Variants in IFT88 observed in about 807,000 individuals in gnomAD.
The protein encoded by IFT88 is intraflagellar transport protein 88 homolog.
In IFT88, 74 loss-of-function variants were observed where a neutral mutation model predicts 119.5. That is an observed-to-expected ratio of 0.62 (90% CI 0.51 to 0.75). The LOEUF is 0.75. IFT88 is among the 30% of genes least tolerant of loss of function. The probability of loss-of-function intolerance (pLI) is 0.00; values close to 1 mark genes in which losing one functional copy is unlikely to be tolerated. For synonymous variants in IFT88, 279 were observed against 316.7 expected (o/e 0.88, Z 1.26); for missense variants, 961 against 977.7 (o/e 0.98, Z 0.23).
intron 2 of IFT88, among the ~76,000 whole-genome samples, chr13:20,581,278 A>G (rs1446258139): frequency 1.3e-5 from 2 of 152,240 alleles, no homozygotes. Context: ...ATTTGTTAAC[A>G]AAGTGGCAAA....
In IFT88 at chr13:20,664,322, A is replaced by G. The variant is rs76233639; in HGVS notation, c.2175+718A>G. Among the ~76,000 whole-genome samples, 1,519 of 152,306 alleles carry G rather than the reference A, an allele frequency of 1.0e-2. 25 individuals carry two copies. The highest frequency in any genetic ancestry group is 0.035 in the African/African-American group (1,463 of 41,566). The stretch of plus-strand genomic sequence containing the variant: ...AGAAACTAGTCCTCTTTCTGGAACT[A>G]TTATGGAAAGGAAGACTGTTCTCTT... On this transcript the variant is annotated intron_variant, in intron 23 of 25. Transcript: ENST00000351808.
Position 20,583,730 on chromosome 13 carries a change from T to C in IFT88, c.153+711T>C, listed in dbSNP as rs138887312. On this transcript the variant is annotated intron_variant, in intron 3 of 25. Transcript: ENST00000351808. Reference sequence around the variant, plus strand: ...ACAATGTCATGAAGCTTTTCCCCTATGTTTTCTTCTAGCATTTTTTGTAGT... The same window carrying C: ...ACAATGTCATGAAGCTTTTCCCCTACGTTTTCTTCTAGCATTTTTTGTAGT... 9.7e-3 allele frequency among the ~76,000 whole-genome samples: 1,485 copies of C among 152,330 alleles called. 24 individuals are homozygous for C. The highest frequency in any genetic ancestry group is 0.033 in the African/African-American group (1,387 of 41,568).
At chr13:20,603,754 A>G (rs2042980057) in intron 12 of IFT88, among the ~76,000 whole-genome samples, 1 of 151,938 alleles carries the variant, frequency 6.6e-6, no homozygotes, top group Admixed American at 6.6e-5. Flanking sequence ...AAAATTAGCC[A>G]GGCTTGATGT....
chr13:20,617,952 A>AT, intron 14 of IFT88, among the ~76,000 whole-genome samples: 1 of 151,882 alleles, frequency 6.6e-6, no homozygotes, highest in Admixed American at 6.6e-5. Context: ...CGTCACCATA[A>AT]TTTTTGTATT....
intron 24 of IFT88, among the ~76,000 whole-genome samples, chr13:20,672,125 A>G (rs1470340097): frequency 6.6e-6 from 1 of 152,156 alleles, no homozygotes; most frequent in Non-Finnish European, 1.5e-5. Context: ...CTAGGGATAG[A>G]AACTGCAGTT....
At chr13:20,612,699 G>A (rs1328251592) in intron 13 of IFT88, among the ~76,000 whole-genome samples, 1 of 152,122 alleles carries the variant, frequency 6.6e-6, no homozygotes, top group Non-Finnish European at 1.5e-5. Context: ...AAAAAGAAAA[G>A]CAAAGTTGGG....
At chr13:20,599,763 TATATGATC>T (rs2042293367) in intron 11 of IFT88, among the ~76,000 whole-genome samples, 198 bp downstream of exon 11, 1 of 152,154 alleles carries the variant, frequency 6.6e-6, no homozygotes, top group Admixed American at 6.5e-5. Flanking sequence ...TAAAGCATTG[TATATGATC>T]ATATGAAATA....
intron 14 of IFT88, among the ~76,000 whole-genome samples, chr13:20,621,472 A>G (rs1299592414): frequency 1.4e-5 from 2 of 146,822 alleles, no homozygotes; most frequent in South Asian, 2.1e-4. Flanking sequence ...GGTCCTTGTC[A>G]TTTCCACATA....
At chr13:20,620,240 C>T (rs2046265588) in intron 14 of IFT88, among the ~76,000 whole-genome samples, 1 of 151,952 alleles carries the variant, frequency 6.6e-6, no homozygotes, top group Admixed American at 6.6e-5. Flanking sequence ...TGTAGTAGGG[C>T]TATCCAGTTA....
intron 10 of IFT88, 73 bp downstream of exon 10, chr13:20,598,826 T>A: frequency 1.1e-6 from 1 of 885,730 alleles, no homozygotes; most frequent in Non-Finnish European, 1.8e-6. Context: ...CTTCATTTTA[T>A]GCTTCCTTAA....
At chr13:20,636,458 A>G (rs1284701541) in intron 16 of IFT88, among the ~76,000 whole-genome samples, 2 of 152,172 alleles carry the variant, frequency 1.3e-5, no homozygotes, top group Non-Finnish European at 2.9e-5. Context: ...TTCTCTTCCT[A>G]TACCTGATCA....
chr13:20,647,226 T>C (rs2050893308), intron 20 of IFT88, among the ~76,000 whole-genome samples: 1 of 152,242 alleles, frequency 6.6e-6, no homozygotes, highest in Non-Finnish European at 1.5e-5. Flanking sequence ...TTATTCAATA[T>C]ACATTCATTA....
chr13:20,619,793 C>A (rs573075861), intron 14 of IFT88, among the ~76,000 whole-genome samples: 1 of 151,968 alleles, frequency 6.6e-6, no homozygotes, highest in African/African-American at 2.4e-5. Context: ...TTAATAGATA[C>A]CGCTAAACAG....
At chr13:20,629,899 T>A (rs1341289570) in intron 15 of IFT88, among the ~76,000 whole-genome samples, 1 of 152,216 alleles carries the variant, frequency 6.6e-6, no homozygotes, top group Non-Finnish European at 1.5e-5. Context: ...CCCTTGTTTT[T>A]TTCTTTCTAA....
At chr13:20,630,972 T>G (rs376463264) in intron 15 of IFT88, 44 bp from the exon 16 acceptor site, 2 of 1,175,314 alleles carry the variant, frequency 1.7e-6, no homozygotes, top group African/African-American at 3.4e-5. Flanking sequence ...GCTTGAGTAC[T>G]GTCATATTAC....
intron 20 of IFT88, among the ~76,000 whole-genome samples, chr13:20,652,935 G>C (rs2052032792): frequency 6.6e-6 from 1 of 152,198 alleles, no homozygotes; most frequent in South Asian, 2.1e-4. Context: ...CCGTGCTCCT[G>C]TGTGAATTTG....
intron 18 of IFT88, chr13:20,642,296 A>G (rs1381756769): frequency 6.6e-6 from 1 of 152,164 alleles, no homozygotes; most frequent in South Asian, 2.1e-4. Flanking sequence ...TTTGATAAAG[A>G]ATTTTATTGA....
At chr13:20,674,874 C>A (rs948382393) in intron 24 of IFT88, among the ~76,000 whole-genome samples, 1 of 151,042 alleles carries the variant, frequency 6.6e-6, no homozygotes, top group African/African-American at 2.4e-5. Flanking sequence ...CCACCACGCC[C>A]GGCTAATTTT....
chr13:20,625,622 C>T (rs374493440), intron 14 of IFT88, 128 bp from the exon 15 acceptor site: 6 of 559,680 alleles, frequency 1.1e-5, no homozygotes, highest in Non-Finnish European at 1.9e-5. Context: ...TGGAGCAAAT[C>T]GAGTGCTTAC....
Sources: allele counts gnomAD v4.1 joint callset (sites outside exome capture counted in the v4.1 genomes callset), GRCh38; gene constraint gnomAD v4.1.1; transcripts MANE v1.5; gene names NCBI Gene and HGNC (gene_info 2026-07-23, HGNC 2026-07-21).